Variants in PARD3 observed in about 807,000 individuals in gnomAD.
PARD3 encodes the protein partitioning defective 3 homolog.
PARD3 carries 75 observed loss-of-function variants against 155.4 expected under a neutral mutation model. That is an observed-to-expected ratio of 0.48 (90% CI 0.40 to 0.58). PARD3 has a LOEUF of 0.58. Ranked by LOEUF, PARD3 falls within the 20% of genes least tolerant of loss-of-function variation. The pLI is 0.00. For synonymous variants in PARD3, 576 were observed against 610.5 expected (o/e 0.94, Z 0.83); for missense variants, 1,642 against 1,721.7 (o/e 0.95, Z 0.82).
intron 2 of PARD3, among the ~76,000 whole-genome samples, chr10:34,613,783 A>C (rs1187779817): frequency 1.3e-5 from 2 of 152,234 alleles, no homozygotes; most frequent in African/African-American, 4.8e-5. Flanking sequence ...CAAGATTCTC[A>C]GTTTATGGGA....
intron 3 of PARD3, among the ~76,000 whole-genome samples, chr10:34,498,216 AG>A (rs1796303236): frequency 1.3e-5 from 2 of 152,178 alleles, no homozygotes; most frequent in African/African-American, 2.4e-5. Context: ...AGTCAGATGT[AG>A]AAAGAGACAC....
chr10:34,474,390 C>T (rs1237760820), intron 3 of PARD3, among the ~76,000 whole-genome samples: 1 of 152,176 alleles, frequency 6.6e-6, no homozygotes, highest in African/African-American at 2.4e-5. Context: ...CAATGATGTG[C>T]TTCTATCTGA....
At chr10:34,718,187 G>C (rs1473364675) in intron 1 of PARD3, among the ~76,000 whole-genome samples, 1 of 150,542 alleles carries the variant, frequency 6.6e-6, no homozygotes, top group Non-Finnish European at 1.5e-5. Flanking sequence ...TGGGAGGCAA[G>C]CCATAGGTAT....
chr10:34,127,079 GA>G (rs1947329190), intron 23 of PARD3, among the ~76,000 whole-genome samples: 1 of 152,104 alleles, frequency 6.6e-6, no homozygotes, highest in Non-Finnish European at 1.5e-5. Context: ...ATATTAAGTA[GA>G]TAACATAGAA....
intron 12 of PARD3, 59 bp downstream of exon 12, chr10:34,372,439 A>C (rs1840782225): frequency 8.1e-7 from 1 of 1,231,442 alleles, no homozygotes; most frequent in Non-Finnish European, 1.2e-6. Context: ...AATTAGTAAG[A>C]AGTTAGTTCC....
intron 2 of PARD3, among the ~76,000 whole-genome samples, chr10:34,681,104 A>G (rs556556092): frequency 6.6e-6 from 1 of 152,300 alleles, no homozygotes; most frequent in African/African-American, 2.4e-5. Context: ...ACGATGCAAT[A>G]TTACTCAAAG....
chr10:34,154,933 T>C (rs1054961473), intron 22 of PARD3, among the ~76,000 whole-genome samples: 2 of 152,222 alleles, frequency 1.3e-5, no homozygotes, highest in Non-Finnish European at 2.9e-5. Context: ...TGCCAGGCAT[T>C]ATGTAAATTG....
At chr10:34,734,291 A>G (rs949966877) in intron 1 of PARD3, among the ~76,000 whole-genome samples, 2 of 149,100 alleles carry the variant, frequency 1.3e-5, no homozygotes, top group African/African-American at 4.9e-5. Context: ...CCCATCATTG[A>G]AGATTACACA....
At chr10:34,813,964 C>T (rs1844552179) in intron 1 of PARD3, among the ~76,000 whole-genome samples, 3 of 152,240 alleles carry the variant, frequency 2.0e-5, no homozygotes. Context: ...CGCCTTTTCA[C>T]TTCTGACACA....
chr10:34,765,566 T>G (rs968890972), intron 1 of PARD3, among the ~76,000 whole-genome samples: 1 of 151,748 alleles, frequency 6.6e-6, no homozygotes, highest in African/African-American at 2.4e-5. Context: ...TCATCCCAGC[T>G]ACTCGGGAGG....
chr10:34,809,560 G>A (rs1588864702), intron 1 of PARD3, among the ~76,000 whole-genome samples: 1 of 152,190 alleles, frequency 6.6e-6, no homozygotes, highest in South Asian at 2.1e-4. Flanking sequence ...AATGTCCCAG[G>A]CAGAAGAAAC....
At chr10:34,697,234 A>C (rs2094191867) in intron 1 of PARD3, among the ~76,000 whole-genome samples, 1 of 152,122 alleles carries the variant, frequency 6.6e-6, no homozygotes, top group African/African-American at 2.4e-5. Flanking sequence ...CTTCTACATC[A>C]CTCTTACGTA....
intron 2 of PARD3, among the ~76,000 whole-genome samples, chr10:34,674,478 A>ATTTT (rs11402018): frequency 1.0e-4 from 8 of 79,530 alleles, no homozygotes; most frequent in South Asian, 5.8e-4. Context: ...CACGCTCTTG[A>ATTTT]TTTTTTTTTT....
At chr10:34,595,547 T>C (rs959142600) in intron 2 of PARD3, among the ~76,000 whole-genome samples, 1 of 152,180 alleles carries the variant, frequency 6.6e-6, no homozygotes, top group Admixed American at 6.5e-5. Flanking sequence ...CCAGTGACAC[T>C]CTACATGCCA....
At chr10:34,355,672 T>C (rs1408745788) in intron 14 of PARD3, among the ~76,000 whole-genome samples, 2 of 152,092 alleles carry the variant, frequency 1.3e-5, no homozygotes, top group East Asian at 1.9e-4. Flanking sequence ...CTCACGCCTG[T>C]AATTCCAGCA....
rs186164296 is a variant in PARD3, at chr10:34,465,565, C to A, written c.582+4520G>T. On this transcript the variant is annotated intron_variant, in intron 4 of 24. Transcript: ENST00000374788. ...CAAGGGGTAAGAAACATTGCAAGGT[C>A]TCCATTTAAAAAATCAAAAGAAAAG... 2.4e-3 allele frequency among the ~76,000 whole-genome samples: 362 copies of A among 152,170 alleles called. 1 individual carries two copies. The highest frequency in any genetic ancestry group is 8.1e-3 in the South Asian group (39 of 4,814).
intron 22 of PARD3, among the ~76,000 whole-genome samples, chr10:34,174,304 A>G (rs1949939570): frequency 6.6e-6 from 1 of 152,172 alleles, no homozygotes; most frequent in African/African-American, 2.4e-5. Flanking sequence ...AGAAGAGTGC[A>G]AGTGTTTTTC....
chr10:34,368,574 A>C (rs1352941507), intron 12 of PARD3, among the ~76,000 whole-genome samples: 5 of 152,160 alleles, frequency 3.3e-5, no homozygotes, highest in Non-Finnish European at 7.3e-5. Flanking sequence ...CAGGAGGCTG[A>C]GGCAGGAGAA....
chr10:34,198,916 G>T (rs1165063858), intron 22 of PARD3, among the ~76,000 whole-genome samples: 1 of 152,128 alleles, frequency 6.6e-6, no homozygotes, highest in South Asian at 2.1e-4. Flanking sequence ...GACCAATCTG[G>T]TTCAACTTTT....
Sources: gnomAD v4.1 joint callset for allele counts (sites outside exome capture counted in the v4.1 genomes callset) on GRCh38, gnomAD v4.1.1 for gene constraint, MANE v1.5 for transcripts, NCBI Gene and HGNC (gene_info 2026-07-23, HGNC 2026-07-21) for gene names.